The following GRID1 variants were observed in gnomAD, a reference collection of about 807,000 sequenced individuals.
GRID1 encodes the protein glutamate ionotropic receptor delta type subunit 1, also known as glutamate receptor ionotropic, delta-1.
GRID1 carries 28 observed loss-of-function variants against 98.0 expected under a neutral mutation model. The ratio of observed to expected loss-of-function variants is 0.29; its 90% confidence interval spans 0.21 to 0.39. GRID1 has a LOEUF of 0.39. GRID1 is among the 10% of genes least tolerant of loss of function. The pLI is 1.00. For synonymous variants in GRID1, 553 were observed against 538.5 expected (o/e 1.03, Z -0.37); for missense variants, 1,111 against 1,340.5 (o/e 0.83, Z 2.67).
chr10:86,069,320 GACC>G (rs1843764435), intron 4 of GRID1, among the ~76,000 whole-genome samples: 3 of 152,192 alleles, frequency 2.0e-5, no homozygotes, highest in African/African-American at 7.2e-5. Context: ...AGCTGCTCCA[GACC>G]AGAGAGCCTC....
chr10:86,187,168 T>C (rs1845736894), intron 3 of GRID1, among the ~76,000 whole-genome samples: 1 of 152,184 alleles, frequency 6.6e-6, no homozygotes, highest in South Asian at 2.1e-4. Context: ...CTTTTGCCAC[T>C]TGCTGTCTCT....
At chr10:86,096,226 G>T (rs1844219414) in intron 4 of GRID1, among the ~76,000 whole-genome samples, 1 of 152,134 alleles carries the variant, frequency 6.6e-6, no homozygotes, top group Non-Finnish European at 1.5e-5. Context: ...AGGGATAAAA[G>T]ACTACAAATA....
At chr10:86,156,895 A>T (rs1231587303) in intron 3 of GRID1, among the ~76,000 whole-genome samples, 1 of 152,138 alleles carries the variant, frequency 6.6e-6, no homozygotes, top group East Asian at 1.9e-4. Flanking sequence ...AGTGGACAAG[A>T]GTGGGAGGTG....
In GRID1 at chr10:86,309,514, G is replaced by A. The variant is rs140661999; in HGVS notation, c.235+54427C>T. Among the ~76,000 whole-genome samples the A allele has an allele frequency of 2.1e-4, 32 of 152,288 alleles. No homozygotes were observed. The East Asian group carries it at 4.8e-3, about 23-fold the overall frequency. ...ACAGTACACAGCTGTTGTGGCTCCCGCAGGCATTGTTTCAACACAGTAAAG... is the reference window on the plus strand; with the variant it reads ...ACAGTACACAGCTGTTGTGGCTCCCACAGGCATTGTTTCAACACAGTAAAG... On this transcript the variant is annotated intron_variant, in intron 2 of 15. Transcript: ENST00000327946.
chr10:86,281,297 G>C (rs1796696706), intron 2 of GRID1, among the ~76,000 whole-genome samples: 3 of 152,232 alleles, frequency 2.0e-5, no homozygotes, highest in Admixed American at 2.0e-4. Context: ...GCCTGACGCT[G>C]AGCTGCTGGG....
At chr10:85,960,465 T>C (rs1463020659) in intron 4 of GRID1, among the ~76,000 whole-genome samples, 1 of 152,206 alleles carries the variant, frequency 6.6e-6, no homozygotes, top group Non-Finnish European at 1.5e-5. Context: ...TAGAGCCCTC[T>C]CTTTGCTAAA....
rs1841068718 is a variant in GRID1, at chr10:85,670,174, AG to A, written c.1998-22778del. Among the ~76,000 whole-genome samples, 4 of 152,236 alleles carry A rather than the reference AG, an allele frequency of 2.6e-5. No individual in the cohort carries two copies. The South Asian group carries it at 8.3e-4, about 32-fold the overall frequency. On this transcript the variant is annotated intron_variant, in intron 12 of 15. Coordinates refer to ENST00000327946, the MANE Select transcript of GRID1 (RefSeq NM_017551.3). ...CTTATGGTTCATAATAACACAGGAA[AG>A]ACTGAAAAGCCCTTTAAAGAAAACT...
intron 3 of GRID1, among the ~76,000 whole-genome samples, chr10:86,144,540 G>A (rs753223473): frequency 2.6e-5 from 4 of 152,058 alleles, no homozygotes; most frequent in Admixed American, 6.5e-5. Context: ...CCGGCCGCTC[G>A]CCCTCTCCCC....
intron 4 of GRID1, among the ~76,000 whole-genome samples, chr10:85,922,554 TC>T (rs532697810): frequency 6.6e-6 from 1 of 152,012 alleles, no homozygotes; most frequent in African/African-American, 2.4e-5. Context: ...TTGGGAACAT[TC>T]CCCCCGTGAA....
intron 3 of GRID1, among the ~76,000 whole-genome samples, chr10:86,185,906 A>T (rs974347346): frequency 1.5e-4 from 23 of 152,206 alleles, no homozygotes; most frequent in African/African-American, 5.5e-4. Flanking sequence ...CGTTTTGGTC[A>T]GTTTTAGTAC....
rs1200642480 is a variant in GRID1, at chr10:85,916,537, C to G, written c.727-298G>C. Among the ~76,000 whole-genome samples the G allele has an allele frequency of 1.3e-5, 2 of 152,166 alleles. No homozygotes were observed. The highest frequency in any genetic ancestry group is 4.8e-5 in the African/African-American group (2 of 41,434). ...AGGCACAGGCACAGGCACAGCCCCC[C>G]TTCCCTAGGAATGCCTGCAAACACC... On this transcript the variant is annotated intron_variant, in intron 4 of 15. Transcript: ENST00000327946. This position sits in a 1 kb window ranked among gnomAD's most constrained non-coding sequence, Gnocchi z 4.0.
intron 8 of GRID1, among the ~76,000 whole-genome samples, chr10:85,759,825 T>C (rs1258404277): frequency 6.6e-6 from 1 of 152,268 alleles, no homozygotes; most frequent in Non-Finnish European, 1.5e-5. Context: ...GGCTTGATAC[T>C]GCATTGACCC....
At chr10:86,148,763 A>T (rs1036123318) in intron 3 of GRID1, among the ~76,000 whole-genome samples, 23 of 152,198 alleles carry the variant, frequency 1.5e-4, no homozygotes, top group Non-Finnish European at 3.1e-4. Flanking sequence ...GGAAAACACT[A>T]TCTTCCATGG....
At chr10:85,976,963 C>T in intron 4 of GRID1, among the ~76,000 whole-genome samples, 1 of 152,214 alleles carries the variant, frequency 6.6e-6, no homozygotes, top group East Asian at 1.9e-4. Context: ...AAATGGAAGG[C>T]AGTTAGGAAG....
At chr10:86,351,349 A>G (rs10749536) in intron 2 of GRID1, among the ~76,000 whole-genome samples, 146,142 of 152,334 alleles carry the variant, frequency 0.96, 70,227 homozygotes, top group East Asian at 1. Context: ...TGCAGCACAC[A>G]TAGGAGCTGG....
intron 4 of GRID1, among the ~76,000 whole-genome samples, chr10:86,007,400 A>AC (rs968017460): frequency 1.2e-4 from 18 of 151,824 alleles, no homozygotes; most frequent in Admixed American, 2.6e-4. Flanking sequence ...ACCGCTCCGC[A>AC]CCCCCCCACC....
intron 3 of GRID1, among the ~76,000 whole-genome samples, chr10:86,176,506 C>G (rs1344692076): frequency 6.6e-6 from 1 of 152,202 alleles, no homozygotes; most frequent in Non-Finnish European, 1.5e-5. Flanking sequence ...GCGCTGAGAG[C>G]TAAAGCAGTT....
intron 5 of GRID1, among the ~76,000 whole-genome samples, chr10:85,908,061 C>T (rs550531759): frequency 1.3e-5 from 2 of 152,264 alleles, no homozygotes; most frequent in Non-Finnish European, 2.9e-5. Flanking sequence ...AAACAACTTA[C>T]AGCTAACCTG....
chr10:85,766,133 A>G (rs1427690294), intron 8 of GRID1, among the ~76,000 whole-genome samples: 1 of 152,244 alleles, frequency 6.6e-6, no homozygotes, highest in Non-Finnish European at 1.5e-5. Context: ...GAAGCCAGCC[A>G]TGGAAAAATC....
Sources: allele counts gnomAD v4.1 joint callset (sites outside exome capture counted in the v4.1 genomes callset), GRCh38; gene constraint gnomAD v4.1.1; non-coding constraint Gnocchi (gnomAD v3.1); transcripts MANE v1.5; gene names NCBI Gene and HGNC (gene_info 2026-07-23, HGNC 2026-07-21).